CFAP299: variants seen among roughly 807,000 people sequenced by gnomAD.
CFAP299 encodes cilia and flagella associated protein 299, also known as cilia- and flagella-associated protein 299.
Under a neutral mutation model 27.0 loss-of-function variants are expected in CFAP299, and 21 were observed. The observed-to-expected ratio is 0.78, with a 90% CI of 0.55 to 1.12. The LOEUF is 1.12. Ranked by LOEUF, CFAP299 falls within the 50% of genes most tolerant of loss-of-function variation. CFAP299 has a pLI of 0.00. For missense variants in CFAP299, 310 were observed against 276.6 expected (o/e 1.12, Z -0.86); for synonymous variants, 104 against 98.1 (o/e 1.06, Z -0.36).
At chr4:80,524,740 T>G (rs1560607594) in intron 2 of CFAP299, among the ~76,000 whole-genome samples, 1 of 152,210 alleles carries the variant, frequency 6.6e-6, no homozygotes, top group Non-Finnish European at 1.5e-5. Context: ...TTACTCTAGA[T>G]GTATTCATCA....
chr4:80,870,015 G>T lies in CFAP299; in HGVS notation c.356G>T (p.Arg119Ile). Residue 119 changes from arginine (R) to isoleucine (I), a missense_variant, in exon 4 of 6, where the codon AGA (arginine) becomes ATA (isoleucine). Physicochemically the swap from Arg to Ile is moderately conservative, Grantham distance 97. Transcript: ENST00000358105. ...CAGTCCGTGATCTTTATTCGTGACA[G>T]AAATTCTCATGGGCAAGAGATATCA... is the stretch of plus-strand genomic sequence containing the variant. ...KLSSVIFIRD[R>I]NSHGQEISGY... The T allele has an allele frequency of 6.2e-7, 1 of 1,611,684 alleles. No homozygotes were observed. The highest frequency in any genetic ancestry group is 8.5e-7 in the Non-Finnish European group (1 of 1,178,954).
chr4:80,760,981 G>A (rs1010345395), intron 3 of CFAP299, among the ~76,000 whole-genome samples: 5 of 152,112 alleles, frequency 3.3e-5, no homozygotes, highest in Non-Finnish European at 5.9e-5. Context: ...CTGGAATGCC[G>A]AGTCCCAGGA....
chr4:80,734,279 C>A (rs970202047), intron 3 of CFAP299, among the ~76,000 whole-genome samples: 8 of 152,198 alleles, frequency 5.3e-5, no homozygotes, highest in African/African-American at 1.9e-4. Context: ...TGAGAAATGT[C>A]TATTCAAATT....
chr4:80,916,122 C>T (rs147208669), intron 4 of CFAP299, among the ~76,000 whole-genome samples: 5,618 of 150,154 alleles, frequency 0.037, 364 homozygotes, highest in African/African-American at 0.13. Context: ...ATTAGCTGGG[C>T]GTGTTGGTGG....
chr4:80,658,091 G>C (rs1002022363), intron 3 of CFAP299, among the ~76,000 whole-genome samples: 4 of 152,268 alleles, frequency 2.6e-5, no homozygotes, highest in South Asian at 4.1e-4. Context: ...TGTATCCTGA[G>C]ACTTTGCTGA....
chr4:80,786,940 T>C (rs17004990), intron 3 of CFAP299, among the ~76,000 whole-genome samples: 8,303 of 152,088 alleles, frequency 0.055, 346 homozygotes, highest in East Asian at 0.22. Context: ...AAAATACATA[T>C]ACCATTTGTG....
At chr4:80,357,033 T>G (rs1723312961) in intron 1 of CFAP299, among the ~76,000 whole-genome samples, 1 of 152,204 alleles carries the variant, frequency 6.6e-6, no homozygotes, top group African/African-American at 2.4e-5. Context: ...TTATTGAGAA[T>G]TTTTAACATG....
intron 2 of CFAP299, among the ~76,000 whole-genome samples, chr4:80,512,853 TTCTC>T (rs1399642933): frequency 6.6e-6 from 1 of 152,088 alleles, no homozygotes; most frequent in African/African-American, 2.4e-5. Context: ...GTATCTCTCT[TTCTC>T]TATATTTCTC....
intron 4 of CFAP299, among the ~76,000 whole-genome samples, chr4:80,926,870 A>T (rs1032138781): frequency 3.3e-5 from 5 of 152,070 alleles, no homozygotes; most frequent in Non-Finnish European, 5.9e-5. Flanking sequence ...AATTAAGAAG[A>T]CCTTCAAAAG....
At chr4:80,928,601 G>A (rs546039435) in intron 4 of CFAP299, among the ~76,000 whole-genome samples, 283 of 152,170 alleles carry the variant, frequency 1.9e-3, no homozygotes, top group African/African-American at 6.3e-3. Flanking sequence ...TTTCATAGTC[G>A]TAAAATTTGA....
At chr4:80,504,793 C>T (rs1731934624) in intron 2 of CFAP299, among the ~76,000 whole-genome samples, 1 of 146,474 alleles carries the variant, frequency 6.8e-6, no homozygotes, top group East Asian at 2.0e-4. Flanking sequence ...TAAGAGGACC[C>T]AGAGTGAAGT....
chr4:80,828,860 G>A (rs753817568), intron 3 of CFAP299, among the ~76,000 whole-genome samples: 1 of 152,006 alleles, frequency 6.6e-6, no homozygotes, highest in African/African-American at 2.4e-5. Flanking sequence ...TTAGTGAATG[G>A]TGTTGGGAAA....
chr4:80,412,568 CAG>C (rs1053515702), intron 2 of CFAP299, among the ~76,000 whole-genome samples: 4 of 151,994 alleles, frequency 2.6e-5, no homozygotes, highest in Non-Finnish European at 5.9e-5. Context: ...GACCTTGCCT[CAG>C]AGAGAGAAAG....
At chr4:80,757,435 G>A (rs1353816047) in intron 3 of CFAP299, among the ~76,000 whole-genome samples, 1 of 152,104 alleles carries the variant, frequency 6.6e-6, no homozygotes, top group East Asian at 1.9e-4. Context: ...AGAGGTTATA[G>A]TAGGGAATTT....
chr4:80,756,919 G>A (rs1374701010), intron 3 of CFAP299, among the ~76,000 whole-genome samples: 1 of 152,070 alleles, frequency 6.6e-6, no homozygotes, highest in Non-Finnish European at 1.5e-5. Flanking sequence ...AGAATTAATG[G>A]CCTCCTAAAA....
intron 2 of CFAP299, among the ~76,000 whole-genome samples, chr4:80,546,081 T>C (rs889877077): frequency 2.6e-5 from 4 of 152,138 alleles, no homozygotes; most frequent in South Asian, 2.1e-4. Flanking sequence ...CAATTAGTCA[T>C]TGAAGGAACA....
chr4:80,513,575 C>A (rs1732424551), intron 2 of CFAP299, among the ~76,000 whole-genome samples: 1 of 152,074 alleles, frequency 6.6e-6, no homozygotes, highest in Admixed American at 6.6e-5. Context: ...GGAAGCTATG[C>A]ATTTGTTAGA....
chr4:80,479,439 T>C (rs1430208174), intron 2 of CFAP299, among the ~76,000 whole-genome samples: 2 of 151,992 alleles, frequency 1.3e-5, no homozygotes, highest in African/African-American at 2.4e-5. Context: ...TGGGAAATGA[T>C]GGTTAAAGAC....
intron 3 of CFAP299, among the ~76,000 whole-genome samples, chr4:80,670,899 AG>A (rs1407482195): frequency 6.6e-6 from 1 of 152,218 alleles, no homozygotes; most frequent in Non-Finnish European, 1.5e-5. Flanking sequence ...GCCCTTTGTC[AG>A]ATGGGTAGAT....
Sources: gnomAD v4.1 joint callset for allele counts (sites outside exome capture counted in the v4.1 genomes callset) on GRCh38, gnomAD v4.1.1 for gene constraint, MANE v1.5 for transcripts, NCBI Gene and HGNC (gene_info 2026-07-23, HGNC 2026-07-21) for gene names.